Variants in FLACC1 observed in about 807,000 individuals in gnomAD.
The protein encoded by FLACC1 is flagellum-associated coiled-coil domain-containing protein 1.
Under a neutral mutation model 62.8 loss-of-function variants are expected in FLACC1, and 66 were observed. The observed-to-expected ratio is 1.05, with a 90% CI of 0.86 to 1.29. FLACC1 has a LOEUF of 1.29. Among genes scored for constraint, FLACC1 ranks in the 50% most tolerant of loss-of-function variants. FLACC1 has a pLI of 0.00. For missense variants in FLACC1, 452 were observed against 489.1 expected (o/e 0.92, Z 0.71); for synonymous variants, 156 against 161.0 (o/e 0.97, Z 0.24).
intron 7 of FLACC1, among the ~76,000 whole-genome samples, chr2:201,339,902 G>A (rs1950772293): frequency 6.6e-6 from 1 of 152,050 alleles, no homozygotes; most frequent in African/African-American, 2.4e-5. Flanking sequence ...GTAGGTTCAC[G>A]GACCCATTGG....
chr2:201,297,422 G>T (rs1445252082), intron 12 of FLACC1, among the ~76,000 whole-genome samples: 1 of 152,126 alleles, frequency 6.6e-6, no homozygotes, highest in Admixed American at 6.5e-5. Context: ...AGAACAGTGG[G>T]GTGCCATTGA....
intron 11 of FLACC1, among the ~76,000 whole-genome samples, chr2:201,303,548 A>AAAAAG (rs1950034986): frequency 6.6e-6 from 1 of 152,224 alleles, no homozygotes; most frequent in South Asian, 2.1e-4. Context: ...CAATCAATAG[A>AAAAAG]AAAAGAGGGA....
At chr2:201,340,879 T>G (rs1950794690) in intron 7 of FLACC1, among the ~76,000 whole-genome samples, 1 of 152,228 alleles carries the variant, frequency 6.6e-6, no homozygotes, top group African/African-American at 2.4e-5. Context: ...TTTGCTAAGG[T>G]ATTCTTGGTA....
In FLACC1 at chr2:201,342,372, G is replaced by C; in HGVS notation, c.522C>G (p.Asn174Lys). Reference sequence around the variant, plus strand: ...AGGGTCCATGCCAGAAAGTGTACCTGTTCTTGTTTTCAAAGTTCTGTTTCA... The same window carrying C: ...AGGGTCCATGCCAGAAAGTGTACCTCTTCTTGTTTTCAAAGTTCTGTTTCA... ...AEMKQNFENK[N>K]RELKEAHEAE... Residue 174 changes from asparagine (N) to lysine (K), a missense_variant and splice_region_variant, in exon 7 of 15, where the codon AAC becomes AAG. By Grantham distance (94) the Asn-to-Lys change is moderately conservative. This residue lies in a region of FLACC1 where 301 missense variants were observed against 318.4 expected (regional missense o/e 0.95). Coordinates refer to ENST00000392257, the MANE Select transcript of FLACC1 (RefSeq NM_001127391.3). 6.2e-7 allele frequency: 1 copy of C among 1,614,174 alleles called. No individual in the cohort carries two copies. Among genetic ancestry groups the C allele is most frequent in the Non-Finnish European group, 8.5e-7 (1 of 1,180,008 alleles).
chr2:201,304,463 T>C (rs894800234), intron 11 of FLACC1, among the ~76,000 whole-genome samples: 1 of 152,202 alleles, frequency 6.6e-6, no homozygotes, highest in African/African-American at 2.4e-5. Context: ...CATTCCATGC[T>C]CATGGATAGG....
chr2:201,294,803 T>C (rs554937496), intron 12 of FLACC1, among the ~76,000 whole-genome samples: 235 of 152,330 alleles, frequency 1.5e-3, no homozygotes, highest in South Asian at 5.4e-3. Flanking sequence ...CTCCTTAAGC[T>C]GATAAGCAAC....
At chr2:201,354,548 T>C (rs1380874876) in intron 1 of FLACC1, among the ~76,000 whole-genome samples, 3 of 151,832 alleles carry the variant, frequency 2.0e-5, no homozygotes, top group Admixed American at 6.6e-5. Flanking sequence ...CTCCACTGGG[T>C]TTGGGGGCCT....
chr2:201,307,487 T>G lies in FLACC1; in HGVS notation c.879+32A>C, dbSNP rs757720171. The G allele has an allele frequency of 1.9e-6, 3 of 1,556,170 alleles. No individual in the cohort carries two copies. In the African/African-American group the frequency reaches 4.1e-5, roughly 21 times the overall value. On this transcript the variant is annotated intron_variant, in intron 11 of 14. Transcript: ENST00000392257. ...TTGGGTGTACCACCTGGACTACCCA[T>G]TCAATCACCAAGGTGCTTTGGGCTG... is the stretch of plus-strand genomic sequence containing the variant.
At chr2:201,351,234 T>C in intron 2 of FLACC1, 58 bp downstream of exon 2, 2 of 1,389,128 alleles carry the variant, frequency 1.4e-6, no homozygotes, top group Non-Finnish European at 1.0e-6. Flanking sequence ...GTGAGAGAAA[T>C]GAGGCTACAA....
At chr2:201,301,691 G>T (rs1192567775) in intron 11 of FLACC1, among the ~76,000 whole-genome samples, 1 of 152,224 alleles carries the variant, frequency 6.6e-6, no homozygotes, top group African/African-American at 2.4e-5. Flanking sequence ...GAAAGGTTGG[G>T]TTACCCACAA....
rs544015887 is a variant in FLACC1, at chr2:201,341,535, G to GTATA, written c.524+831_524+834dup. On this transcript the variant is annotated intron_variant, in intron 7 of 14. Coordinates refer to ENST00000392257, the MANE Select transcript of FLACC1 (RefSeq NM_001127391.3). ...ATATATAGGTAGAGTTTATATGTAT[G>GTATA]TATATATATATATACACAAATGGTT... Among the ~76,000 whole-genome samples, 637 of 148,360 alleles carry GTATA rather than the reference G, an allele frequency of 4.3e-3. 4 individuals are homozygous for GTATA. Among genetic ancestry groups the GTATA allele is most frequent in the African/African-American group, 0.015 (590 of 40,556 alleles).
At chr2:201,290,986 C>T (rs990983367) in intron 12 of FLACC1, among the ~76,000 whole-genome samples, 5 of 152,160 alleles carry the variant, frequency 3.3e-5, no homozygotes, top group Non-Finnish European at 5.9e-5. Flanking sequence ...GGTGGAGGGG[C>T]GCCCACCATT....
Position 201,346,723 on chromosome 2 carries a change from A to C in FLACC1, c.235-48T>G. On this transcript the variant is annotated intron_variant, in intron 4 of 14. Transcript: ENST00000392257. The surrounding 1 kb of genome is among the most constrained non-coding windows in gnomAD (Gnocchi z 4.0). ...ATAAAATGGCAGACTTGGAGTGCTG[A>C]GATTTTTCCAAATCTTCTCTTATTG... The C allele has an allele frequency of 1.2e-6, 2 of 1,609,840 alleles. No homozygotes were observed. Among genetic ancestry groups the C allele is most frequent in the Non-Finnish European group, 1.7e-6 (2 of 1,178,476 alleles).
chr2:201,344,804 G>A (rs1410900390), intron 5 of FLACC1, among the ~76,000 whole-genome samples: 1 of 152,194 alleles, frequency 6.6e-6, no homozygotes, highest in East Asian at 1.9e-4. Context: ...GTCTGGTTGG[G>A]CTAGAGTGAC....
chr2:201,337,863 AT>A (rs1016961534), intron 7 of FLACC1, among the ~76,000 whole-genome samples: 2 of 151,962 alleles, frequency 1.3e-5, no homozygotes. Flanking sequence ...ATAACTCCAG[AT>A]TTTTTTTCCC....
chr2:201,316,553 G>A (rs1950311098), intron 9 of FLACC1, among the ~76,000 whole-genome samples: 1 of 152,018 alleles, frequency 6.6e-6, no homozygotes, highest in African/African-American at 2.4e-5. Context: ...CAGTGAGATT[G>A]GAATGATAAT....
intron 9 of FLACC1, among the ~76,000 whole-genome samples, chr2:201,320,607 C>T (rs1380176119): frequency 2.0e-5 from 3 of 152,240 alleles, no homozygotes; most frequent in South Asian, 2.1e-4. Flanking sequence ...GCCAGCAACA[C>T]TGCCTTTTGG....
chr2:201,348,201 T>C (rs544301114), intron 4 of FLACC1, 53 bp downstream of exon 4: 7 of 1,561,824 alleles, frequency 4.5e-6, no homozygotes, highest in South Asian at 2.3e-5. Context: ...TGCTTGCACA[T>C]AGTAGGCACT....
intron 9 of FLACC1, among the ~76,000 whole-genome samples, chr2:201,312,845 G>A (rs1441684510): frequency 6.6e-6 from 1 of 152,188 alleles, no homozygotes; most frequent in Non-Finnish European, 1.5e-5. Context: ...GAAGGAAGTG[G>A]ATTGCTCCCG....
Sources: allele counts gnomAD v4.1 joint callset (sites outside exome capture counted in the v4.1 genomes callset), GRCh38; gene constraint gnomAD v4.1.1; regional missense constraint gnomAD v4.1.1; non-coding constraint Gnocchi (gnomAD v3.1); transcripts MANE v1.5; gene names NCBI Gene and HGNC (gene_info 2026-07-23, HGNC 2026-07-21).